Variants in CAMKMT observed in about 807,000 individuals in gnomAD.
CAMKMT encodes the protein CaM KMT.
Under a neutral mutation model 48.0 loss-of-function variants are expected in CAMKMT, and 53 were observed. That is an observed-to-expected ratio of 1.10 (90% CI 0.89 to 1.39). The LOEUF (loss-of-function observed/expected upper bound fraction) is 1.39. Ranked by LOEUF, CAMKMT falls within the 40% of genes most tolerant of loss-of-function variation. The pLI, the probability that CAMKMT is intolerant of heterozygous loss-of-function variation, is 0.00. For synonymous variants in CAMKMT, 165 were observed against 152.3 expected (o/e 1.08, Z -0.61); for missense variants, 428 against 402.7 (o/e 1.06, Z -0.54).
At chr2:44,733,400 A>G (rs1482459735) in intron 7 of CAMKMT, among the ~76,000 whole-genome samples, 1 of 152,184 alleles carries the variant, frequency 6.6e-6, no homozygotes, top group Non-Finnish European at 1.5e-5. Flanking sequence ...CCACAATCCT[A>G]CTAAAGTCAC....
intron 3 of CAMKMT, among the ~76,000 whole-genome samples, chr2:44,512,939 T>G (rs1670642928): frequency 6.6e-6 from 1 of 152,218 alleles, no homozygotes; most frequent in Admixed American, 6.5e-5. Context: ...ATGAAGCCAG[T>G]TCAGGAAAAC....
chr2:44,576,727 T>A (rs58379675), intron 3 of CAMKMT, among the ~76,000 whole-genome samples: 5,639 of 152,150 alleles, frequency 0.037, 314 homozygotes, highest in African/African-American at 0.12. Flanking sequence ...GAGAGAAAGG[T>A]CAAAAATAAA....
At chr2:44,650,186 G>C (rs1673979661) in intron 3 of CAMKMT, among the ~76,000 whole-genome samples, 1 of 151,862 alleles carries the variant, frequency 6.6e-6, no homozygotes. Flanking sequence ...AAACCCCTAG[G>C]GGAGTCCGTC....
At chr2:44,701,574 A>G (rs1391386640) in intron 3 of CAMKMT, among the ~76,000 whole-genome samples, 1 of 152,164 alleles carries the variant, frequency 6.6e-6, no homozygotes, top group Non-Finnish European at 1.5e-5. Context: ...ACCTAAGGAG[A>G]AAACCATAGG....
At chr2:44,608,576 A>G (rs559417612) in intron 3 of CAMKMT, among the ~76,000 whole-genome samples, 27 of 152,278 alleles carry the variant, frequency 1.8e-4, no homozygotes, top group South Asian at 1.0e-3. Context: ...TTGAAACTAT[A>G]TAATGTATTA....
intron 3 of CAMKMT, among the ~76,000 whole-genome samples, chr2:44,523,979 G>T (rs1326113352): frequency 6.6e-6 from 1 of 151,770 alleles, no homozygotes; most frequent in East Asian, 1.9e-4. Flanking sequence ...GTTTCATCAT[G>T]TTGGCCAGGC....
intron 3 of CAMKMT, among the ~76,000 whole-genome samples, chr2:44,577,507 T>C (rs1364521101): frequency 2.0e-5 from 3 of 152,074 alleles, no homozygotes; most frequent in Non-Finnish European, 4.4e-5. Context: ...TAGTGGCAGC[T>C]ACCTGGGAGG....
chr2:44,551,059 C>T (rs1462335473), intron 3 of CAMKMT, among the ~76,000 whole-genome samples: 1 of 152,140 alleles, frequency 6.6e-6, no homozygotes, highest in East Asian at 1.9e-4. Flanking sequence ...CTCATCTATT[C>T]TACCTAGCCA....
chr2:44,719,506 C>A (rs184475788), intron 7 of CAMKMT, among the ~76,000 whole-genome samples: 63 of 152,266 alleles, frequency 4.1e-4, no homozygotes, highest in Non-Finnish European at 6.9e-4. Context: ...GGGAGGGAAA[C>A]AGATCATGTT....
At chr2:44,759,607 C>T (rs957984829) in intron 9 of CAMKMT, among the ~76,000 whole-genome samples, 1 of 152,036 alleles carries the variant, frequency 6.6e-6, no homozygotes, top group Non-Finnish European at 1.5e-5. Context: ...AGTCAGAGAC[C>T]CAGCGACTCC....
chr2:44,505,655 C>T (rs952455288), intron 3 of CAMKMT, among the ~76,000 whole-genome samples: 4 of 152,000 alleles, frequency 2.6e-5, no homozygotes, highest in Admixed American at 1.3e-4. Flanking sequence ...ATCATCTTAC[C>T]ATTGAATAGG....
intron 3 of CAMKMT, among the ~76,000 whole-genome samples, chr2:44,399,311 A>G (rs1288848889): frequency 6.6e-6 from 1 of 152,130 alleles, no homozygotes; most frequent in Non-Finnish European, 1.5e-5. Context: ...CTTTGTTTTT[A>G]TTTTAATACT....
intron 3 of CAMKMT, among the ~76,000 whole-genome samples, chr2:44,436,940 A>G (rs537647451): frequency 6.6e-6 from 1 of 152,348 alleles, no homozygotes; most frequent in East Asian, 1.9e-4. Context: ...TTTTTGAAAC[A>G]CTTCATTTCA....
At chr2:44,688,482 G>A (rs535869104) in intron 3 of CAMKMT, among the ~76,000 whole-genome samples, 1 of 151,062 alleles carries the variant, frequency 6.6e-6, no homozygotes, top group East Asian at 1.9e-4. Flanking sequence ...ATATATATGT[G>A]TATATATACA....
intron 3 of CAMKMT, among the ~76,000 whole-genome samples, chr2:44,478,216 G>A (rs1420160598): frequency 6.6e-6 from 1 of 152,136 alleles, no homozygotes; most frequent in East Asian, 1.9e-4. Context: ...GCAATAGTCA[G>A]CATTTCAATA....
chr2:44,405,953 G>A (rs1433439247), intron 3 of CAMKMT, among the ~76,000 whole-genome samples: 2 of 152,112 alleles, frequency 1.3e-5, no homozygotes, highest in Non-Finnish European at 2.9e-5. Flanking sequence ...TAAACTTTAA[G>A]CCTTTTTGTT....
At chr2:44,432,865 A>C (rs999369374) in intron 3 of CAMKMT, among the ~76,000 whole-genome samples, 2 of 151,962 alleles carry the variant, frequency 1.3e-5, no homozygotes, top group African/African-American at 4.8e-5. Flanking sequence ...GTAGTGTTTC[A>C]TTCTTTTACT....
chr2:44,389,740 A>G (rs1255738839), intron 2 of CAMKMT, among the ~76,000 whole-genome samples: 3 of 152,238 alleles, frequency 2.0e-5, no homozygotes, highest in Non-Finnish European at 4.4e-5. Context: ...ATTAGTGGGC[A>G]AAAGATACAA....
intron 3 of CAMKMT, among the ~76,000 whole-genome samples, chr2:44,530,156 T>A (rs1047809146): frequency 6.6e-6 from 1 of 152,210 alleles, no homozygotes; most frequent in Non-Finnish European, 1.5e-5. Context: ...CAGCTTAATG[T>A]GATTTCAAAT....
Sources: gnomAD v4.1 joint callset for allele counts (sites outside exome capture counted in the v4.1 genomes callset) on GRCh38, gnomAD v4.1.1 for gene constraint, MANE v1.5 for transcripts, NCBI Gene and HGNC (gene_info 2026-07-23, HGNC 2026-07-21) for gene names.